GBE1: variants seen among roughly 807,000 people sequenced by gnomAD.
GBE1 encodes the protein 1,4-alpha-glucan-branching enzyme.
In GBE1, 70 loss-of-function variants were observed where a neutral mutation model predicts 88.8. The observed-to-expected ratio is 0.79, with a 90% CI of 0.65 to 0.96. The LOEUF is 0.96. Ranked by LOEUF, GBE1 falls within the 40% of genes least tolerant of loss-of-function variation. The pLI, the probability that GBE1 is intolerant of heterozygous loss-of-function variation, is 0.00. For synonymous variants in GBE1, 284 were observed against 300.1 expected (o/e 0.95, Z 0.56); for missense variants, 872 against 871.0 (o/e 1.00, Z -0.01).
At chr3:81,602,108 T>C (rs1389175898) in intron 7 of GBE1, among the ~76,000 whole-genome samples, 4 of 152,174 alleles carry the variant, frequency 2.6e-5, no homozygotes, top group African/African-American at 9.7e-5. Context: ...GAAGTGAAGC[T>C]AAGCTTCTCA....
At chr3:81,643,371 T>G (rs1193400036) in intron 6 of GBE1, among the ~76,000 whole-genome samples, 1 of 152,098 alleles carries the variant, frequency 6.6e-6, no homozygotes, top group Non-Finnish European at 1.5e-5. Context: ...TGAGGGGCTC[T>G]TCAAGAATTT....
At chr3:81,685,941 C>T (rs1198465034) in intron 2 of GBE1, among the ~76,000 whole-genome samples, 1 of 152,158 alleles carries the variant, frequency 6.6e-6, no homozygotes, top group Non-Finnish European at 1.5e-5. Context: ...GTCTGAAATA[C>T]TCTGGCAAAG....
chr3:81,756,275 A>G (rs1706600012), intron 1 of GBE1, among the ~76,000 whole-genome samples: 1 of 152,142 alleles, frequency 6.6e-6, no homozygotes, highest in Admixed American at 6.5e-5. Flanking sequence ...CCCCTTACCC[A>G]GATTGTCACA....
chr3:81,710,295 C>T (rs1559695475), intron 1 of GBE1, among the ~76,000 whole-genome samples: 2 of 126,058 alleles, frequency 1.6e-5, no homozygotes, highest in African/African-American at 3.1e-5. Flanking sequence ...AGTGCAGTGC[C>T]GCGATCTCGG....
intron 7 of GBE1, among the ~76,000 whole-genome samples, chr3:81,638,838 T>C (rs1704629655): frequency 6.6e-6 from 1 of 152,168 alleles, no homozygotes; most frequent in Non-Finnish European, 1.5e-5. Context: ...TGACAGGTTG[T>C]GACATATAGA....
At chr3:81,685,389 TTTG>T (rs1275718276) in intron 2 of GBE1, among the ~76,000 whole-genome samples, 3 of 152,082 alleles carry the variant, frequency 2.0e-5, no homozygotes, top group Non-Finnish European at 4.4e-5. Context: ...TGATTCCATT[TTTG>T]TTGTTGTCTT....
chr3:81,553,922 C>T (rs1703312457), intron 12 of GBE1, among the ~76,000 whole-genome samples: 1 of 151,950 alleles, frequency 6.6e-6, no homozygotes, highest in Non-Finnish European at 1.5e-5. Flanking sequence ...CATTTTTTGG[C>T]ACATTTTTAA....
chr3:81,704,460 AATTCCCTC>A (rs1188202469), intron 2 of GBE1, among the ~76,000 whole-genome samples: 1 of 151,816 alleles, frequency 6.6e-6, no homozygotes, highest in Non-Finnish European at 1.5e-5. Flanking sequence ...CCACCCCAAA[AATTCCCTC>A]ACGTCCCTCT....
intron 14 of GBE1, among the ~76,000 whole-genome samples, chr3:81,502,593 C>T (rs1702603063): frequency 6.6e-6 from 1 of 152,108 alleles, no homozygotes; most frequent in Admixed American, 6.6e-5. Flanking sequence ...TTGTGAATTG[C>T]TATCATATAT....
intron 12 of GBE1, among the ~76,000 whole-genome samples, chr3:81,552,860 C>T (rs1703291212): frequency 6.6e-6 from 1 of 152,058 alleles, no homozygotes; most frequent in African/African-American, 2.4e-5. Flanking sequence ...CTTTGTGCTA[C>T]AATTATTAAC....
chr3:81,577,842 A>C, intron 12 of GBE1, 83 bp downstream of exon 12: 1 of 1,163,798 alleles, frequency 8.6e-7, no homozygotes, highest in Non-Finnish European at 1.2e-6. Flanking sequence ...CTGAAAAGCC[A>C]AATCAAAATA....
At chr3:81,760,248 C>G (rs1326216621) in intron 1 of GBE1, among the ~76,000 whole-genome samples, 3 of 152,242 alleles carry the variant, frequency 2.0e-5, no homozygotes, top group Non-Finnish European at 4.4e-5. Context: ...ACATCCCTTA[C>G]AATCCCTAGA....
intron 1 of GBE1, among the ~76,000 whole-genome samples, chr3:81,748,349 C>T (rs935745600): frequency 7.3e-5 from 11 of 151,540 alleles, no homozygotes; most frequent in Admixed American, 7.2e-4. Flanking sequence ...CGGTGGCTCA[C>T]GCCTATAATT....
chr3:81,720,316 TACAC>T (rs918088657), intron 1 of GBE1, among the ~76,000 whole-genome samples: 36 of 150,008 alleles, frequency 2.4e-4, no homozygotes, highest in Admixed American at 8.0e-4. Context: ...TATACACACA[TACAC>T]ACACGCACAC....
At chr3:81,724,006 A>C (rs2107194418) in intron 1 of GBE1, among the ~76,000 whole-genome samples, 1 of 152,280 alleles carries the variant, frequency 6.6e-6, no homozygotes, top group Admixed American at 6.5e-5. Context: ...GGAAAACACA[A>C]GGTTTCAAAT....
intron 7 of GBE1, among the ~76,000 whole-genome samples, chr3:81,605,751 C>T (rs772032575): frequency 7.2e-5 from 11 of 152,036 alleles, no homozygotes; most frequent in African/African-American, 2.7e-4. Context: ...AAGGTCTCAG[C>T]GTTGCATGGC....
At chr3:81,551,565 C>G (rs1478355681) in intron 12 of GBE1, among the ~76,000 whole-genome samples, 2 of 152,170 alleles carry the variant, frequency 1.3e-5, no homozygotes, top group Admixed American at 1.3e-4. Context: ...CCATTTTCCT[C>G]TCATCTACCT....
chr3:81,657,875 T>C (rs1261668384), intron 3 of GBE1, among the ~76,000 whole-genome samples: 3 of 152,074 alleles, frequency 2.0e-5, no homozygotes, highest in Non-Finnish European at 4.4e-5. Flanking sequence ...ACATCTACAA[T>C]GTTCAGGAAT....
chr3:81,654,668 CAG>C (rs1490488641), intron 3 of GBE1: 3 of 151,910 alleles, frequency 2.0e-5, no homozygotes, highest in African/African-American at 7.3e-5. Flanking sequence ...TTGCTTAAAG[CAG>C]AGTGAAAAAA....
Sources: allele counts gnomAD v4.1 joint callset (sites outside exome capture counted in the v4.1 genomes callset), GRCh38; gene constraint gnomAD v4.1.1; transcripts MANE v1.5; gene names NCBI Gene and HGNC (gene_info 2026-07-23, HGNC 2026-07-21).